Variants in ARMH4 observed in about 807,000 individuals in gnomAD.
ARMH4 encodes armadillo like helical domain containing 4, also known as armadillo-like helical domain-containing protein 4.
Under a neutral mutation model 61.9 loss-of-function variants are expected in ARMH4, and 49 were observed. The ratio of observed to expected loss-of-function variants is 0.79; its 90% confidence interval spans 0.63 to 1.00. The LOEUF is 1.00. Among genes scored for constraint, ARMH4 ranks in the 50% least tolerant of loss-of-function variants. ARMH4 has a pLI of 0.00. For synonymous variants in ARMH4, 368 were observed against 341.5 expected, an observed-to-expected ratio of 1.08 and a Z score of -0.85; for missense variants, 934 against 930.0, an observed-to-expected ratio of 1.00 and a Z score of -0.06.
intron 2 of ARMH4, among the ~76,000 whole-genome samples, chr14:58,135,011 TA>T (rs938313715): frequency 4.0e-5 from 6 of 151,842 alleles, no homozygotes; most frequent in Admixed American, 6.6e-5. Context: ...CCTATTACTT[TA>T]AAAAAAAGTT....
At chr14:58,072,861 A>T (rs1483314592) in intron 5 of ARMH4, among the ~76,000 whole-genome samples, 1 of 152,124 alleles carries the variant, frequency 6.6e-6, no homozygotes, top group Non-Finnish European at 1.5e-5. Flanking sequence ...GGGTGTTTGG[A>T]TGTCACCCTG....
Position 58,109,525 on chromosome 14 carries a change from T to C in ARMH4, c.1832-12544A>G, listed in dbSNP as rs557939524. Among the ~76,000 whole-genome samples the C allele has an allele frequency of 2.1e-3, 314 of 152,350 alleles. 1 individual carries two copies. The highest frequency in any genetic ancestry group is 6.7e-3 in the African/African-American group (280 of 41,564). On this transcript the variant is annotated intron_variant, in intron 4 of 7. Transcript: ENST00000267485. ...TCCTCCTTGTCCAAATATATAATTA[T>C]ATAGTAAGAGCTTTATAAGTCTTAA...
At chr14:58,006,736 AACATC>A (rs1047670083) in intron 6 of ARMH4, among the ~76,000 whole-genome samples, 2 of 143,830 alleles carry the variant, frequency 1.4e-5, no homozygotes, top group Non-Finnish European at 3.0e-5. Flanking sequence ...CAGGAAGGGG[AACATC>A]ACACACCGGG....
intron 5 of ARMH4, among the ~76,000 whole-genome samples, chr14:58,049,238 C>CAAAAAAAAAAA (rs535936500): frequency 1.6e-5 from 1 of 64,038 alleles, no homozygotes; most frequent in Non-Finnish European, 3.3e-5. Flanking sequence ...GACTCCGTCC[C>CAAAAAAAAAAA]AAAAAAAAAA....
chr14:58,091,316 T>C (rs2141256071), intron 5 of ARMH4, among the ~76,000 whole-genome samples: 1 of 152,260 alleles, frequency 6.6e-6, no homozygotes, highest in Admixed American at 6.5e-5. Flanking sequence ...CCATTGCAAC[T>C]AAAAGGAAGC....
At chr14:58,120,072 T>C (rs1376007159) in intron 4 of ARMH4, among the ~76,000 whole-genome samples, 2 of 152,100 alleles carry the variant, frequency 1.3e-5, no homozygotes, top group Non-Finnish European at 2.9e-5. Flanking sequence ...TACACAAATA[T>C]AGAAGGTGTA....
chr14:58,138,418 C>T lies in ARMH4; in HGVS notation c.941G>A (p.Trp314Ter). ...VPAASALSDE[W>*]DDTKLESVSR... ...TACACTCTCTAATTTGGTGTCATCC[C>T]ACTCATCACTTAAGGCAGAGGCAGC... The change falls in exon 2 of 8, where the codon TGG (tryptophan) becomes TAG (stop). Residue 314 changes from tryptophan to a stop codon, truncating the protein, a stop_gained. Transcript: ENST00000267485. LOFTEE classifies it high-confidence loss of function. 1 of 1,614,224 alleles carries T rather than the reference C, an allele frequency of 6.2e-7. No individual in the cohort carries two copies. Among genetic ancestry groups the T allele is most frequent in the East Asian group, 2.2e-5 (1 of 44,886 alleles).
At chr14:58,118,645 C>G (rs1320381456) in intron 4 of ARMH4, among the ~76,000 whole-genome samples, 1 of 152,112 alleles carries the variant, frequency 6.6e-6, no homozygotes, top group Non-Finnish European at 1.5e-5. Context: ...ATAAAACACT[C>G]AGACAGAGCA....
intron 5 of ARMH4, among the ~76,000 whole-genome samples, chr14:58,078,764 A>C (rs1271986705): frequency 6.6e-6 from 1 of 152,244 alleles, no homozygotes; most frequent in African/African-American, 2.4e-5. Context: ...TGTTCCCAAA[A>C]ACCTTTCTTT....
chr14:58,011,840 T>C (rs1882421051), intron 6 of ARMH4, among the ~76,000 whole-genome samples: 1 of 151,596 alleles, frequency 6.6e-6, no homozygotes, highest in Non-Finnish European at 1.5e-5. Flanking sequence ...CCTTGATATG[T>C]CAATGATATT....
At chr14:58,056,876 CTA>C (rs1393199737) in intron 5 of ARMH4, among the ~76,000 whole-genome samples, 2 of 152,172 alleles carry the variant, frequency 1.3e-5, no homozygotes, top group East Asian at 3.9e-4. Flanking sequence ...GGCCCTGTGA[CTA>C]TGTTTTTGCC....
chr14:58,061,977 TA>T (rs34146606), intron 5 of ARMH4, among the ~76,000 whole-genome samples: 94 of 145,448 alleles, frequency 6.5e-4, no homozygotes, highest in South Asian at 1.5e-3. Flanking sequence ...ATTTTATCTT[TA>T]AAAAAAAAAA....
At chr14:58,105,481 GA>G (rs966077997) in intron 4 of ARMH4, among the ~76,000 whole-genome samples, 61 of 152,260 alleles carry the variant, frequency 4.0e-4, no homozygotes, top group African/African-American at 1.4e-3. Flanking sequence ...GAGGTCAGGA[GA>G]TTGAGACCAT....
chr14:58,013,572 T>G (rs566574178), intron 5 of ARMH4, among the ~76,000 whole-genome samples: 1 of 152,274 alleles, frequency 6.6e-6, no homozygotes, highest in Non-Finnish European at 1.5e-5. Flanking sequence ...ATACTGATGA[T>G]GGCTAGCATG....
At chr14:58,012,430 G>A (rs1364471894) in intron 5 of ARMH4, among the ~76,000 whole-genome samples, 9 of 152,042 alleles carry the variant, frequency 5.9e-5, no homozygotes, top group African/African-American at 1.9e-4. Context: ...GGGAGGTGTG[G>A]GCAAAGCGAA....
At chr14:58,039,369 TC>T (rs1181864128) in intron 5 of ARMH4, among the ~76,000 whole-genome samples, 1 of 152,076 alleles carries the variant, frequency 6.6e-6, no homozygotes, top group Admixed American at 6.5e-5. Context: ...ACTAACACAA[TC>T]CCTTTGAATT....
intron 4 of ARMH4, among the ~76,000 whole-genome samples, chr14:58,097,851 G>T (rs1308954671): frequency 6.6e-6 from 1 of 152,002 alleles, no homozygotes; most frequent in Non-Finnish European, 1.5e-5. Flanking sequence ...TATTATAGGC[G>T]TGAGCCATGG....
intron 5 of ARMH4, among the ~76,000 whole-genome samples, chr14:58,095,660 T>C (rs1462245465): frequency 6.6e-6 from 1 of 152,176 alleles, no homozygotes; most frequent in Non-Finnish European, 1.5e-5. Flanking sequence ...CTTACTATCT[T>C]CTCTCCTTCC....
intron 5 of ARMH4, among the ~76,000 whole-genome samples, chr14:58,055,898 T>G (rs1884332239): frequency 6.6e-6 from 1 of 152,234 alleles, no homozygotes; most frequent in Non-Finnish European, 1.5e-5. Flanking sequence ...GTTTTAGGAT[T>G]TAAATGTACA....
Sources: gnomAD v4.1 joint callset for allele counts (sites outside exome capture counted in the v4.1 genomes callset) on GRCh38, gnomAD v4.1.1 for gene constraint, MANE v1.5 for transcripts, NCBI Gene and HGNC (gene_info 2026-07-23, HGNC 2026-07-21) for gene names.